PC: variants seen among roughly 807,000 people sequenced by gnomAD.
The protein encoded by PC is pyruvate carboxylase.
Under a neutral mutation model 107.8 loss-of-function variants are expected in PC, and 46 were observed. The ratio of observed to expected loss-of-function variants is 0.43; its 90% confidence interval spans 0.34 to 0.55. PC has a LOEUF of 0.55. PC is among the 20% of genes least tolerant of loss of function. The pLI is 0.04. For missense variants in PC, 1,241 were observed against 1,643.1 expected, an observed-to-expected ratio of 0.76 and a Z score of 4.23; for synonymous variants, 662 against 684.7, an observed-to-expected ratio of 0.97 and a Z score of 0.52.
intron 1 of PC, among the ~76,000 whole-genome samples, 158 bp from the exon 2 acceptor site, chr11:66,954,594 G>A (rs1345744702): frequency 6.6e-6 from 1 of 152,134 alleles, no homozygotes; most frequent in African/African-American, 2.4e-5. Flanking sequence ...ATTCAGATGG[G>A]GGCAGGACGA....
chr11:66,957,997 C>T (rs1256446710), intron 1 of PC: 1 of 152,106 alleles, frequency 6.6e-6, no homozygotes, highest in East Asian at 1.9e-4. Context: ...GTTTCTCCAT[C>T]TGCAAAATGG....
Position 66,946,385 on chromosome 11 carries a change from C to T in PC, c.-1+6045G>A, listed in dbSNP as rs59015794. Among the ~76,000 whole-genome samples the T allele has an allele frequency of 7.6e-3, 1,156 of 152,200 alleles. 11 individuals are homozygous for T. The highest frequency in any genetic ancestry group is 0.024 in the East Asian group (122 of 5,174). Reference sequence around the variant, plus strand: ...GTGGCTCATGCCTGTAATCCCAGCACTTTGGGAGACCAAGGCGGGCAGATC... The same window carrying T: ...GTGGCTCATGCCTGTAATCCCAGCATTTTGGGAGACCAAGGCGGGCAGATC... On this transcript the variant is annotated intron_variant, in intron 3 of 22. Transcript: ENST00000393960.
At chr11:66,851,986 C>T (rs1172765104) in intron 15 of PC, 40 bp from the exon 16 acceptor site, 1 of 1,608,594 alleles carries the variant, frequency 6.2e-7, no homozygotes, top group Non-Finnish European at 8.5e-7. Flanking sequence ...CTCTGCATGC[C>T]TGGGGAACTC....
rs776578709 is a variant in PC at position 66,852,672 on chromosome 11, A to G, written c.1604-12T>C. The G allele has an allele frequency of 2.9e-5, 47 of 1,613,156 alleles. No homozygotes were observed. Among genetic ancestry groups the G allele is most frequent in the South Asian group, 2.0e-4 (18 of 91,060 alleles). On this transcript the variant is annotated splice_polypyrimidine_tract_variant and intron_variant, in intron 14 of 22. Coordinates refer to ENST00000393960, the MANE Select transcript of PC (RefSeq NM_001040716.2). The surrounding 1 kb of genome is among the most constrained non-coding windows in gnomAD (Gnocchi z 4.7). ...AGCCGGGGGCGGGCCTAGGGTAGAC[A>G]GGGGCATTGGTGCCCATCCTGCAGG... is the stretch of plus-strand genomic sequence containing the variant.
At chr11:66,929,172 ATG>A (rs1267346006) in intron 3 of PC, among the ~76,000 whole-genome samples, 1 of 152,146 alleles carries the variant, frequency 6.6e-6, no homozygotes. Flanking sequence ...AATCAGTGTC[ATG>A]TGAGTTTGAA....
intron 3 of PC, among the ~76,000 whole-genome samples, chr11:66,946,270 G>T (rs1267016105): frequency 2.0e-5 from 3 of 151,976 alleles, no homozygotes; most frequent in Non-Finnish European, 2.9e-5. Flanking sequence ...GCTGAGGCAG[G>T]TGGATCGCAT....
intron 3 of PC, among the ~76,000 whole-genome samples, chr11:66,882,248 C>T (rs760238189): frequency 3.9e-5 from 6 of 152,244 alleles, no homozygotes; most frequent in East Asian, 3.8e-4. Flanking sequence ...CAGACAACAA[C>T]GTGGCCCCAG....
At chr11:66,892,069 G>A (rs534837446) in intron 3 of PC, among the ~76,000 whole-genome samples, 1 of 152,156 alleles carries the variant, frequency 6.6e-6, no homozygotes, top group African/African-American at 2.4e-5. Context: ...CATGGCAGAC[G>A]CTTGGGAGGA....
In PC at chr11:66,851,142, C is replaced by T. The variant is rs1389728326; in HGVS notation, c.2121G>A (p.Thr707=). 5.0e-6 allele frequency: 8 copies of T among 1,612,482 alleles called. No homozygotes were observed. Among genetic ancestry groups the T allele is most frequent in the African/African-American group, 1.3e-5 (1 of 74,928 alleles). Residue 707 remains threonine, a synonymous_variant, in exon 17 of 23, where the codon ACG becomes ACA. Transcript: ENST00000393960. ...GGVVEAAISY[T]GDVADPSRTK... ...TGCGGCTGGGGTCGGCCACGTCGCCCGTGTATGAGATGGCAGCCTCCACCA... is the reference window on the plus strand; with the variant it reads ...TGCGGCTGGGGTCGGCCACGTCGCCTGTGTATGAGATGGCAGCCTCCACCA...
At chr11:66,881,520 C>T (rs956241989) in intron 3 of PC, among the ~76,000 whole-genome samples, 2 of 152,376 alleles carry the variant, frequency 1.3e-5, no homozygotes, top group Non-Finnish European at 2.9e-5. Flanking sequence ...GACCTGCAGG[C>T]TGAGGCAGGG....
intron 3 of PC, among the ~76,000 whole-genome samples, chr11:66,875,051 T>G (rs1165674482): frequency 6.6e-6 from 1 of 152,184 alleles, no homozygotes; most frequent in East Asian, 1.9e-4. Context: ...GAGGTGGGGC[T>G]GCAGCCACAG....
chr11:66,906,184 T>C (rs1446397496), intron 3 of PC, among the ~76,000 whole-genome samples: 2 of 152,108 alleles, frequency 1.3e-5, no homozygotes, highest in African/African-American at 4.8e-5. Context: ...AAGGGAACGA[T>C]ATGCAGCCCC....
chr11:66,899,280 G>C (rs186523425), intron 3 of PC, among the ~76,000 whole-genome samples: 9 of 152,336 alleles, frequency 5.9e-5, no homozygotes, highest in African/African-American at 2.2e-4. Context: ...GTGTGTGCCA[G>C]TACTTCACTT....
chr11:66,877,879 A>G (rs1947041228), intron 3 of PC, among the ~76,000 whole-genome samples: 1 of 152,200 alleles, frequency 6.6e-6, no homozygotes, highest in Non-Finnish European at 1.5e-5. Context: ...GACTGCTTGC[A>G]TGCCACCCTC....
At chr11:66,901,519 C>T (rs920531096) in intron 3 of PC, among the ~76,000 whole-genome samples, 3 of 152,040 alleles carry the variant, frequency 2.0e-5, no homozygotes, top group Non-Finnish European at 4.4e-5. Flanking sequence ...ACCCAGGCTG[C>T]AGTACAATGG....
Position 66,865,420 on chromosome 11 carries a change from G to A in PC, c.1185+767C>T, listed in dbSNP as rs1219592295. Among the ~76,000 whole-genome samples the A allele has an allele frequency of 5.1e-4, 78 of 152,382 alleles. 1 individual carries two copies. Among genetic ancestry groups the A allele is most frequent in the Non-Finnish European group, 8.8e-5 (6 of 68,036 alleles). On this transcript the variant is annotated intron_variant, in intron 11 of 22. Coordinates refer to ENST00000393960, the MANE Select transcript of PC (RefSeq NM_001040716.2). Reference sequence around the variant, plus strand: ...AAGTCCCTAGCACAGCTGGCACGGTGCTGGCAGCACGTGCAGGGCTGGGAA... The same window carrying A: ...AAGTCCCTAGCACAGCTGGCACGGTACTGGCAGCACGTGCAGGGCTGGGAA...
intron 3 of PC, among the ~76,000 whole-genome samples, chr11:66,880,682 T>C (rs1423620624): frequency 2.6e-5 from 4 of 152,206 alleles, no homozygotes; most frequent in Non-Finnish European, 5.9e-5. Flanking sequence ...TTCCAGGCAC[T>C]TCCTGCCATC....
In PC at chr11:66,857,941, C is replaced by T. The variant is rs761498821; in HGVS notation, c.1369-4558G>A. On this transcript the variant is annotated intron_variant, in intron 12 of 22. Transcript: ENST00000393960. This position sits in a 1 kb window ranked among gnomAD's most constrained non-coding sequence, Gnocchi z 7.1. ...AACTTCATCCAGGCCCTGGGGCCCC[C>T]TGACTTCCGCAACATGACGGGACTG... is the stretch of plus-strand genomic sequence containing the variant. 16 of 1,612,556 alleles carry T rather than the reference C, an allele frequency of 9.9e-6. 1 individual carries two copies. The South Asian group carries it at 1.6e-4, about 17-fold the overall frequency.
intron 3 of PC, among the ~76,000 whole-genome samples, chr11:66,901,477 A>T (rs866271656): frequency 6.6e-6 from 1 of 150,500 alleles, no homozygotes; most frequent in African/African-American, 2.4e-5. Flanking sequence ...CTATTTATTT[A>T]TTTTTTTTTG....
Sources: allele counts gnomAD v4.1 joint callset (sites outside exome capture counted in the v4.1 genomes callset), GRCh38; gene constraint gnomAD v4.1.1; non-coding constraint Gnocchi (gnomAD v3.1); transcripts MANE v1.5; gene names NCBI Gene and HGNC (gene_info 2026-07-23, HGNC 2026-07-21).